The following EIF2B1 variants were observed in gnomAD, a reference collection of about 807,000 sequenced individuals.
The protein encoded by EIF2B1 is translation initiation factor eIF2B subunit alpha.
EIF2B1 carries 30 observed loss-of-function variants against 36.8 expected under a neutral mutation model. The observed-to-expected ratio is 0.81, with a 90% CI of 0.61 to 1.10. EIF2B1 has a LOEUF of 1.10. Ranked by LOEUF, EIF2B1 falls within the 50% of genes least tolerant of loss-of-function variation. EIF2B1 has a pLI of 0.00. For synonymous variants in EIF2B1, 139 were observed against 142.2 expected, an observed-to-expected ratio of 0.98 and a Z score of 0.16; for missense variants, 271 against 374.8, an observed-to-expected ratio of 0.72 and a Z score of 2.29.
Position 123,622,751 on chromosome 12 carries a change from T to C in EIF2B1, c.638A>G (p.Asn213Ser). The C allele has an allele frequency of 1.7e-5, 28 of 1,614,020 alleles. No individual in the cohort carries two copies. Among genetic ancestry groups the C allele is most frequent in the Non-Finnish European group, 2.4e-5 (28 of 1,179,908 alleles). Reference protein sequence around the residue: ...NGGIINKIGTNQMAVCAKAQN... With the variant: ...NGGIINKIGTSQMAVCAKAQN... ...TGCTTTGGCACACACAGCCATCTGG[T>C]TGGTTCCAATCTGGGAAGGCAGAAA... Residue 213 changes from asparagine to serine, a missense_variant, in exon 8 of 9, where the codon AAC becomes AGC. Asn to Ser is a conservative substitution (Grantham distance 46). Coordinates refer to ENST00000424014, the MANE Select transcript of EIF2B1 (RefSeq NM_001414.4).
chr12:123,627,963 G>A (rs1955160830), intron 4 of EIF2B1, among the ~76,000 whole-genome samples: 2 of 152,222 alleles, frequency 1.3e-5, no homozygotes, highest in African/African-American at 4.8e-5. Context: ...TGAAATGATG[G>A]CTAACTAATT....
rs1056671086 is a variant in EIF2B1 at position 123,621,608 on chromosome 12, G to T, written c.*148C>A. 1 of 965,888 alleles carries T rather than the reference G, an allele frequency of 1.0e-6. No homozygotes were observed. The highest frequency in any genetic ancestry group is 1.6e-6 in the Non-Finnish European group (1 of 626,222). 59.8% of individuals were successfully genotyped at this position (965,888 alleles called of 1,614,324 possible). On this transcript the variant is annotated 3_prime_UTR_variant, in exon 9 of 9. Transcript: ENST00000424014. ...GATGGGACTGAAATGAGTAAGAAAG[G>T]TTCTCCAAGATGTATGATTTTAAGT...
rs766456869 is a variant in EIF2B1 at position 123,627,133 on chromosome 12, G to A, written c.393C>T (p.Ser131=). Residue 131 remains serine (S), a synonymous_variant, in exon 5 of 9, where the codon TCC becomes TCT. Transcript: ENST00000424014. The part of the protein sequence containing the change: ...DGATILTHAY[S]RVVLRVLEAA... ...CTTCCAGGACTCTCAGGACCACTCT[G>A]GAGTAGGCGTGAGTCAATATTGTCT... is the stretch of plus-strand genomic sequence containing the variant. The A allele has an allele frequency of 3.7e-6, 6 of 1,613,994 alleles. No individual in the cohort carries two copies. The highest frequency in any genetic ancestry group is 5.1e-6 in the Non-Finnish European group (6 of 1,180,024).
intron 1 of EIF2B1, among the ~76,000 whole-genome samples, chr12:123,632,853 G>A (rs887448252): frequency 6.6e-6 from 1 of 151,082 alleles, no homozygotes; most frequent in Non-Finnish European, 1.5e-5. Context: ...GGCTGAGGCA[G>A]GAGAATGGCG....
intron 4 of EIF2B1, among the ~76,000 whole-genome samples, chr12:123,628,008 C>A (rs1379275898): frequency 6.6e-6 from 1 of 152,226 alleles, no homozygotes; most frequent in African/African-American, 2.4e-5. Context: ...GGGGTAATCA[C>A]AACCTATCTG....
At chr12:123,633,398 T>G in intron 1 of EIF2B1, 147 bp downstream of exon 1, 1 of 1,228,126 alleles carries the variant, frequency 8.1e-7, no homozygotes, top group Non-Finnish European at 1.2e-6. Flanking sequence ...GCGCGAGGGA[T>G]TTAGTTGTGA....
chr12:123,621,348 C>G lies in EIF2B1; in HGVS notation c.*408G>C, dbSNP rs372071677. The G allele has an allele frequency of 4.0e-5, 13 of 327,276 alleles. No homozygotes were observed. The highest frequency in any genetic ancestry group is 2.4e-4 in the African/African-American group (11 of 46,294). The allele number at this position is 327,276 out of a possible 1,614,324, so 20.3% of individuals were successfully genotyped here. Reference sequence around the variant, plus strand: ...CAAGGCACCGCGTGTAACGTCCTGACCAGCTGTTGGTCATTTGTGGCAGAG... The same window carrying G: ...CAAGGCACCGCGTGTAACGTCCTGAGCAGCTGTTGGTCATTTGTGGCAGAG... On this transcript the variant is annotated 3_prime_UTR_variant, in exon 9 of 9. Coordinates refer to ENST00000424014, the MANE Select transcript of EIF2B1 (RefSeq NM_001414.4).
chr12:123,629,982 C>T, intron 4 of EIF2B1, 187 bp downstream of exon 4: 1 of 659,606 alleles, frequency 1.5e-6, no homozygotes, highest in South Asian at 1.7e-5. Context: ...TCATTTAATC[C>T]TCACAACAAC....
chr12:123,626,514 ACGTT>A, intron 5 of EIF2B1, 21 bp from the exon 6 acceptor site: 1 of 1,613,888 alleles, frequency 6.2e-7, no homozygotes, highest in Non-Finnish European at 8.5e-7. Flanking sequence ...CATTTTGAGA[ACGTT>A]AGAGAAAGTA....
Position 123,633,666 on chromosome 12 carries a change from T to C in EIF2B1, c.-109A>G. The C allele has an allele frequency of 3.9e-6, 6 of 1,539,120 alleles. No homozygotes were observed. Among genetic ancestry groups the C allele is most frequent in the South Asian group, 1.1e-5 (1 of 89,646 alleles). On this transcript the variant is annotated 5_prime_UTR_variant, in exon 1 of 9. Coordinates refer to ENST00000424014, the MANE Select transcript of EIF2B1 (RefSeq NM_001414.4). ...CCAGTCTGACAGCGCGCTGCACACC[T>C]CCGCACCCCACTTCCGGCGCACTTC...
At chr12:123,632,520 GTTGAC>G (rs1373553379) in intron 1 of EIF2B1, 74 bp from the exon 2 acceptor site, 3 of 1,023,594 alleles carry the variant, frequency 2.9e-6, no homozygotes, top group Non-Finnish European at 4.6e-6. Flanking sequence ...GTTAATGACT[GTTGAC>G]TTTAAGAAGC....
At chr12:123,622,040 T>A in intron 8 of EIF2B1, 120 bp from the exon 9 acceptor site, 1 of 1,383,172 alleles carries the variant, frequency 7.2e-7, no homozygotes, top group Non-Finnish European at 1.0e-6. Context: ...TGGGAGAAAC[T>A]AAGCTATGCA....
At chr12:123,622,577 C>A in intron 8 of EIF2B1, 59 bp downstream of exon 8, 1 of 1,609,706 alleles carries the variant, frequency 6.2e-7, no homozygotes, top group Middle Eastern at 1.7e-4. Context: ...CTTAGGACTA[C>A]AATTTCCAAA....
chr12:123,631,375 A>C (rs1955185254), intron 2 of EIF2B1, among the ~76,000 whole-genome samples: 1 of 152,170 alleles, frequency 6.6e-6, no homozygotes, highest in Non-Finnish European at 1.5e-5. Context: ...TCTAAGAGTC[A>C]TTAGAAGACT....
At chr12:123,622,552 A>T in intron 8 of EIF2B1, 84 bp downstream of exon 8, 1 of 1,589,284 alleles carries the variant, frequency 6.3e-7, no homozygotes. Context: ...GAAGTGAAAA[A>T]ATTACTGGAA....
intron 7 of EIF2B1, among the ~76,000 whole-genome samples, chr12:123,623,233 T>A (rs1566214259): frequency 6.6e-6 from 1 of 151,438 alleles, no homozygotes; most frequent in Non-Finnish European, 1.5e-5. Context: ...TACAAAAAAT[T>A]AGCTGGGCAT....
At position 123,627,064 on chromosome 12, in the gene EIF2B1, C is replaced by G. The variant is rs750555015; in HGVS notation, c.462G>C (p.Glu154Asp). The change falls in exon 5 of 9, where the codon GAG becomes GAC. Residue 154 changes from glutamate (E) to aspartate (D), a missense_variant. By Grantham distance (45) the Glu-to-Asp change is conservative (BLOSUM62 2). Transcript: ENST00000424014. ...AKKRFSVYVT[E>D]SQPDLSGKKM... ...CTTGCCCTGACAAATCAGGCTGTGA[C>G]TCTGTGACGTATACACTAAATCGCT... The G allele has an allele frequency of 6.2e-7, 1 of 1,614,174 alleles. No homozygotes were observed. Among genetic ancestry groups the G allele is most frequent in the Non-Finnish European group, 8.5e-7 (1 of 1,180,040 alleles).
At chr12:123,631,666 G>C (rs755870041) in intron 2 of EIF2B1, among the ~76,000 whole-genome samples, 26 of 152,244 alleles carry the variant, frequency 1.7e-4, no homozygotes, top group Non-Finnish European at 2.9e-4. Context: ...AAATTAGCTA[G>C]GCATGGTGGC....
chr12:123,632,421 C>G lies in EIF2B1; in HGVS notation c.39G>C (p.Gln13His), dbSNP rs369922737. Reference protein sequence around the residue: ...DKELIEYFKSQMKEDPDMASA... With the variant: ...DKELIEYFKSHMKEDPDMASA... ...AGGCCATGTCAGGATCTTCTTTCAT[C>G]TGAGACTTAAAGTATTCAATTAACT... Residue 13 changes from glutamine to histidine, a missense_variant, in exon 2 of 9, where the codon CAG becomes CAC. Gln to His is a conservative substitution (Grantham distance 24). Coordinates refer to ENST00000424014, the MANE Select transcript of EIF2B1 (RefSeq NM_001414.4). The G allele has an allele frequency of 6.7e-5, 108 of 1,613,450 alleles. No homozygotes were observed. Among genetic ancestry groups the G allele is most frequent in the Non-Finnish European group, 8.6e-5 (102 of 1,179,800 alleles).
Sources: gnomAD v4.1 joint callset for allele counts (sites outside exome capture counted in the v4.1 genomes callset) on GRCh38, gnomAD v4.1.1 for gene constraint, MANE v1.5 for transcripts, NCBI Gene and HGNC (gene_info 2026-07-23, HGNC 2026-07-21) for gene names.